Variants in LRRC4C observed in about 807,000 individuals in gnomAD.
LRRC4C encodes the protein leucine-rich repeat-containing protein 4C.
In LRRC4C, 5 loss-of-function variants were observed where a neutral mutation model predicts 33.6. The observed-to-expected ratio is 0.15, with a 90% confidence interval of 0.08 to 0.31. The LOEUF is 0.31. Ranked by LOEUF, LRRC4C falls within the 10% of genes least tolerant of loss-of-function variation. The pLI is 1.00. For synonymous variants in LRRC4C, 329 were observed against 302.0 expected (o/e 1.09, Z -0.93); for missense variants, 560 against 796.7 (o/e 0.70, Z 3.58).
At chr11:41,022,102 G>A (rs1856021152) in intron 1 of LRRC4C, among the ~76,000 whole-genome samples, 1 of 148,920 alleles carries the variant, frequency 6.7e-6, no homozygotes, top group South Asian at 2.1e-4. Context: ...CTTCCTGAAT[G>A]CTTATGCTAA....
chr11:40,379,592 G>A (rs1334713001), intron 3 of LRRC4C, among the ~76,000 whole-genome samples: 1 of 151,958 alleles, frequency 6.6e-6, no homozygotes, highest in African/African-American at 2.4e-5. Context: ...AGGAATATTG[G>A]AGAAGAAAAA....
At chr11:40,302,111 TA>T (rs1944802377) in intron 4 of LRRC4C, among the ~76,000 whole-genome samples, 1 of 152,132 alleles carries the variant, frequency 6.6e-6, no homozygotes. Flanking sequence ...AGAGATAAAA[TA>T]AATATGCTTG....
At position 41,194,788 on chromosome 11, in the gene LRRC4C, G is replaced by T. The variant is rs565748334; in HGVS notation, c.-495-261065C>A. Among the ~76,000 whole-genome samples the T allele has an allele frequency of 1.7e-3, 260 of 152,204 alleles. 7 individuals carry two copies. Among genetic ancestry groups the T allele is most frequent in the Middle Eastern group, 0.01 (3 of 294 alleles). On this transcript the variant is annotated intron_variant, in intron 1 of 6. Transcript: ENST00000528697. ...AGTTGTGTGGCACTCCTAACCCACA[G>T]AAACTATAATATCATGAATGTGTGT...
At chr11:41,138,014 T>G (rs1943340857) in intron 1 of LRRC4C, among the ~76,000 whole-genome samples, 1 of 152,192 alleles carries the variant, frequency 6.6e-6, no homozygotes, top group African/African-American at 2.4e-5. Context: ...AAGTAGCTAA[T>G]CAAATAAAGG....
At chr11:40,542,932 A>G (rs1956782315) in intron 3 of LRRC4C, among the ~76,000 whole-genome samples, 1 of 152,062 alleles carries the variant, frequency 6.6e-6, no homozygotes. Context: ...CATTTTACAC[A>G]TTTGTTGCTT....
chr11:41,223,349 G>A (rs1234837044), intron 1 of LRRC4C, among the ~76,000 whole-genome samples: 2 of 152,128 alleles, frequency 1.3e-5, no homozygotes, highest in Non-Finnish European at 2.9e-5. Context: ...TCTAATTGGT[G>A]CCTAGGTATC....
intron 5 of LRRC4C, among the ~76,000 whole-genome samples, chr11:40,152,351 A>C (rs1357411898): frequency 6.6e-6 from 1 of 152,174 alleles, no homozygotes; most frequent in Non-Finnish European, 1.5e-5. Context: ...ACGGGGATCC[A>C]CTGGGAGGGT....
At chr11:40,427,868 A>AAACAT (rs1302352799) in intron 3 of LRRC4C, among the ~76,000 whole-genome samples, 11 of 152,096 alleles carry the variant, frequency 7.2e-5, no homozygotes, top group African/African-American at 2.7e-4. Context: ...AAACAAAACA[A>AAACAT]AACAAAAACC....
At position 40,184,436 on chromosome 11, in the gene LRRC4C, A is replaced by G. The variant is rs942219892; in HGVS notation, c.-95-43583T>C. Among the ~76,000 whole-genome samples, 4 of 152,212 alleles carry G rather than the reference A, an allele frequency of 2.6e-5. No homozygotes were observed. In the East Asian group the frequency reaches 7.7e-4, roughly 29 times the overall value. On this transcript the variant is annotated intron_variant, in intron 5 of 6. Transcript: ENST00000528697. ...TAGAATAAAAAAGGGTTTGTGGTCA[A>G]TATTTGGATTGATAATAGAAGAAAA...
At chr11:41,217,471 A>T (rs1471598666) in intron 1 of LRRC4C, among the ~76,000 whole-genome samples, 4 of 152,342 alleles carry the variant, frequency 2.6e-5, no homozygotes, top group South Asian at 2.1e-4. Flanking sequence ...ACTGAAGTCT[A>T]TCTGAACACA....
intron 1 of LRRC4C, among the ~76,000 whole-genome samples, chr11:41,374,373 TA>T (rs767798648): frequency 4.0e-5 from 6 of 151,424 alleles, no homozygotes; most frequent in Non-Finnish European, 7.4e-5. Context: ...AGAGAAAAAT[TA>T]AAAAAAAACT....
intron 3 of LRRC4C, among the ~76,000 whole-genome samples, chr11:40,463,305 GGTGTGTGTGTGTGTGTGTGTGT>G (rs33911904): frequency 8.7e-4 from 126 of 144,594 alleles, no homozygotes; most frequent in African/African-American, 3.0e-3. Flanking sequence ...ATGTGTTACT[GGTGTGTGTGTGTGTGTGTGTGT>G]GTGTGTGTGT....
intron 2 of LRRC4C, among the ~76,000 whole-genome samples, chr11:40,651,654 CTGCT>C (rs1942812427): frequency 6.6e-6 from 1 of 152,184 alleles, no homozygotes; most frequent in Non-Finnish European, 1.5e-5. Context: ...GCACACCCTT[CTGCT>C]TATCAGAAGG....
chr11:40,764,878 T>C (rs1451190554), intron 2 of LRRC4C, among the ~76,000 whole-genome samples: 2 of 152,180 alleles, frequency 1.3e-5, no homozygotes, highest in Non-Finnish European at 2.9e-5. Flanking sequence ...GCATTACTGG[T>C]CTTGGGGTAA....
intron 1 of LRRC4C, among the ~76,000 whole-genome samples, chr11:41,166,457 G>T (rs1355353468): frequency 6.6e-6 from 1 of 152,138 alleles, no homozygotes; most frequent in Non-Finnish European, 1.5e-5. Context: ...TTAAGATCCA[G>T]CCCAAGGCAT....
At chr11:40,697,011 A>G (rs1449612738) in intron 2 of LRRC4C, among the ~76,000 whole-genome samples, 1 of 152,018 alleles carries the variant, frequency 6.6e-6, no homozygotes, top group African/African-American at 2.4e-5. Flanking sequence ...CAATATTAGA[A>G]TATTGAAAGA....
chr11:40,247,151 T>C (rs1320926310), intron 4 of LRRC4C, among the ~76,000 whole-genome samples: 1 of 152,074 alleles, frequency 6.6e-6, no homozygotes, highest in Non-Finnish European at 1.5e-5. Flanking sequence ...TGGACCTTTT[T>C]AAATCACCAT....
chr11:40,440,979 C>T (rs141778016), intron 3 of LRRC4C, among the ~76,000 whole-genome samples: 1 of 152,026 alleles, frequency 6.6e-6, no homozygotes, highest in African/African-American at 2.4e-5. Flanking sequence ...CCCCTTACTT[C>T]TAAACACTTA....
At chr11:41,041,918 G>A (rs1486594976) in intron 1 of LRRC4C, among the ~76,000 whole-genome samples, 1 of 152,014 alleles carries the variant, frequency 6.6e-6, no homozygotes, top group East Asian at 1.9e-4. Context: ...AAAATTTTGT[G>A]GATCTGATTT....
Sources: allele counts gnomAD v4.1 joint callset (sites outside exome capture counted in the v4.1 genomes callset), GRCh38; gene constraint gnomAD v4.1.1; transcripts MANE v1.5; gene names NCBI Gene and HGNC (gene_info 2026-07-23, HGNC 2026-07-21).